Variants in ATG10 observed in about 807,000 individuals in gnomAD.
ATG10 encodes ubiquitin-like-conjugating enzyme ATG10.
ATG10 carries 30 observed loss-of-function variants against 32.1 expected under a neutral mutation model. The observed-to-expected ratio is 0.94, with a 90% CI of 0.70 to 1.27. The LOEUF (loss-of-function observed/expected upper bound fraction) is 1.27. ATG10 is among the 50% of genes most tolerant of loss of function. ATG10 has a pLI of 0.00. For missense variants in ATG10, 233 were observed against 262.3 expected, an observed-to-expected ratio of 0.89 and a Z score of 0.77; for synonymous variants, 87 against 91.5, an observed-to-expected ratio of 0.95 and a Z score of 0.28.
At chr5:81,981,890 A>G (rs1048123882) in intron 1 of ATG10, among the ~76,000 whole-genome samples, 1 of 152,256 alleles carries the variant, frequency 6.6e-6, no homozygotes, top group Non-Finnish European at 1.5e-5. Context: ...AACAATGATT[A>G]TATACAGTGT....
chr5:82,110,806 T>C (rs1168456225), intron 3 of ATG10, among the ~76,000 whole-genome samples: 1 of 152,094 alleles, frequency 6.6e-6, no homozygotes, highest in African/African-American at 2.4e-5. Flanking sequence ...TTAGTTTAAT[T>C]AGATCCCATT....
At chr5:82,142,579 G>A (rs1033880911) in intron 3 of ATG10, among the ~76,000 whole-genome samples, 4 of 152,186 alleles carry the variant, frequency 2.6e-5, no homozygotes, top group Non-Finnish European at 4.4e-5. Context: ...CAAGCAAAGA[G>A]CCTCAGATGC....
intron 4 of ATG10, among the ~76,000 whole-genome samples, chr5:82,174,545 T>G (rs1743934905): frequency 6.6e-6 from 1 of 152,158 alleles, no homozygotes; most frequent in Admixed American, 6.5e-5. Context: ...ATATATGGAA[T>G]AAAATAAGTA....
chr5:82,076,150 A>G (rs950410559), intron 3 of ATG10, among the ~76,000 whole-genome samples: 2 of 152,146 alleles, frequency 1.3e-5, no homozygotes, highest in Non-Finnish European at 1.5e-5. Context: ...TCCTTCAACA[A>G]ACATGTTTTT....
chr5:82,014,242 C>G (rs993304591), intron 2 of ATG10, among the ~76,000 whole-genome samples: 1 of 152,176 alleles, frequency 6.6e-6, no homozygotes, highest in African/African-American at 2.4e-5. Flanking sequence ...GAGTGCTTTA[C>G]TTCCAACTAT....
In ATG10 at chr5:82,033,216, A is replaced by G. The variant is rs542719682; in HGVS notation, c.109-25279A>G. Among the ~76,000 whole-genome samples, 5 of 152,282 alleles carry G rather than the reference A, an allele frequency of 3.3e-5. No individual in the cohort carries two copies. In the South Asian group the frequency reaches 6.2e-4, roughly 19 times the overall value. On this transcript the variant is annotated intron_variant, in intron 2 of 7. Coordinates refer to ENST00000282185, the MANE Select transcript of ATG10 (RefSeq NM_031482.5). ...ATTTAATAAATATCAATGCAATACA[A>G]TTTTTATATGTACATATATATTTCT...
intron 5 of ATG10, among the ~76,000 whole-genome samples, chr5:82,184,483 A>T (rs1002320932): frequency 2.6e-5 from 4 of 152,036 alleles, no homozygotes; most frequent in Admixed American, 6.6e-5. Flanking sequence ...TCTGGACCCT[A>T]ACCGATAATA....
Position 82,028,055 on chromosome 5 carries a change from G to C in ATG10, c.109-30440G>C, listed in dbSNP as rs112101129. The stretch of plus-strand genomic sequence containing the variant: ...CAAGGTCACACCATTAAAAGCTAAA[G>C]CCAAACTGTCTCAAACAAGGATAGA... On this transcript the variant is annotated intron_variant, in intron 2 of 7. Coordinates refer to ENST00000282185, the MANE Select transcript of ATG10 (RefSeq NM_031482.5). Among the ~76,000 whole-genome samples the C allele has an allele frequency of 2.3e-3, 354 of 152,326 alleles. 2 individuals carry two copies. The highest frequency in any genetic ancestry group is 7.8e-3 in the African/African-American group (324 of 41,568).
At chr5:82,224,158 T>C (rs1028727024) in intron 5 of ATG10, among the ~76,000 whole-genome samples, 5 of 152,194 alleles carry the variant, frequency 3.3e-5, no homozygotes, top group Admixed American at 3.3e-4. Context: ...CGGGGCATGG[T>C]AGGTGCTTAA....
chr5:82,005,329 C>G (rs1761961776), intron 2 of ATG10, among the ~76,000 whole-genome samples: 1 of 152,190 alleles, frequency 6.6e-6, no homozygotes, highest in Non-Finnish European at 1.5e-5. Flanking sequence ...GAGTCTCACT[C>G]TTTCGCCGAG....
intron 5 of ATG10, among the ~76,000 whole-genome samples, chr5:82,214,043 C>T (rs1745587272): frequency 1.3e-5 from 2 of 152,228 alleles, no homozygotes; most frequent in South Asian, 4.1e-4. Context: ...GCCTCACCGT[C>T]ATGTCCATGT....
chr5:82,218,764 T>TA (rs1426109233), intron 5 of ATG10, among the ~76,000 whole-genome samples: 1 of 152,202 alleles, frequency 6.6e-6, no homozygotes, highest in East Asian at 1.9e-4. Context: ...AAAAAGATTC[T>TA]AAAATCTCTC....
intron 5 of ATG10, among the ~76,000 whole-genome samples, chr5:82,186,092 GA>G (rs1744434756): frequency 6.6e-6 from 1 of 152,198 alleles, no homozygotes; most frequent in Non-Finnish European, 1.5e-5. Context: ...TAAATGACGA[GA>G]AAATTAAGAA....
chr5:82,175,046 C>T (rs1237513542), intron 4 of ATG10, among the ~76,000 whole-genome samples: 2 of 152,132 alleles, frequency 1.3e-5, no homozygotes, highest in Non-Finnish European at 2.9e-5. Flanking sequence ...CAACCAGTTG[C>T]ATCATTGTGG....
At chr5:82,151,642 A>T (rs74784845) in intron 3 of ATG10, among the ~76,000 whole-genome samples, 1 of 150,634 alleles carries the variant, frequency 6.6e-6, no homozygotes, top group Non-Finnish European at 1.5e-5. Flanking sequence ...AAAAAAAAAA[A>T]TGGTAAAAGG....
At chr5:82,071,219 A>G (rs183618323) in intron 3 of ATG10, among the ~76,000 whole-genome samples, 13 of 152,168 alleles carry the variant, frequency 8.5e-5, no homozygotes, top group Non-Finnish European at 1.5e-4. Context: ...AGTCATGAAT[A>G]TAGAGCTGAT....
intron 2 of ATG10, among the ~76,000 whole-genome samples, chr5:82,003,371 T>C (rs892068792): frequency 1.1e-4 from 16 of 152,204 alleles, no homozygotes; most frequent in African/African-American, 3.9e-4. Context: ...CAGGAATGGC[T>C]GACTCCAGGT....
chr5:82,240,268 C>CT (rs2150017680), intron 5 of ATG10, among the ~76,000 whole-genome samples: 1 of 152,224 alleles, frequency 6.6e-6, no homozygotes, highest in African/African-American at 2.4e-5. Flanking sequence ...GAAAATCAAC[C>CT]TAAGTGTCCA....
At chr5:82,114,018 T>G (rs1373749566) in intron 3 of ATG10, among the ~76,000 whole-genome samples, 1 of 152,024 alleles carries the variant, frequency 6.6e-6, no homozygotes, top group Admixed American at 6.6e-5. Context: ...TAGTCTATGA[T>G]TTTTTTCTTT....
Sources: gnomAD v4.1 joint callset for allele counts (sites outside exome capture counted in the v4.1 genomes callset) on GRCh38, gnomAD v4.1.1 for gene constraint, MANE v1.5 for transcripts, NCBI Gene and HGNC (gene_info 2026-07-23, HGNC 2026-07-21) for gene names.